The following CLDN10 variants were observed in gnomAD, a reference collection of about 807,000 sequenced individuals.
CLDN10 encodes the protein claudin 10, also known as claudin-10.
Under a neutral mutation model 22.9 loss-of-function variants are expected in CLDN10, and 15 were observed. That is an observed-to-expected ratio of 0.65 (90% confidence interval 0.44 to 1.01). CLDN10 has a LOEUF of 1.01. CLDN10 is among the 50% of genes least tolerant of loss of function. CLDN10 has a pLI of 0.00. For missense variants in CLDN10, 247 were observed against 287.8 expected, an observed-to-expected ratio of 0.86 and a Z score of 1.03; for synonymous variants, 114 against 111.4, an observed-to-expected ratio of 1.02 and a Z score of -0.15.
chr13:95,570,515 G>T (rs2043840138), intron 3 of CLDN10, among the ~76,000 whole-genome samples: 1 of 152,272 alleles, frequency 6.6e-6, no homozygotes, highest in South Asian at 2.1e-4. Context: ...TCAAGAATTA[G>T]TACTTCTGTG....
At chr13:95,507,266 A>G (rs1210617123) in intron 1 of CLDN10, among the ~76,000 whole-genome samples, 1 of 152,134 alleles carries the variant, frequency 6.6e-6, no homozygotes, top group Non-Finnish European at 1.5e-5. Context: ...GGTAAATTCT[A>G]CCAGCTTTAT....
rs534177477 is a variant in CLDN10, at chr13:95,520,505, C to A, written c.215-39627C>A. Among the ~76,000 whole-genome samples, 20 of 152,268 alleles carry A rather than the reference C, an allele frequency of 1.3e-4. No homozygotes were observed. In the East Asian group the frequency reaches 3.7e-3, roughly 28 times the overall value. ...CCTCCTGCCTCAGCCTCCCCAGTAGCTGGGATTACAGGTGCCGGCTTCCAT... is the reference window on the plus strand; with the variant it reads ...CCTCCTGCCTCAGCCTCCCCAGTAGATGGGATTACAGGTGCCGGCTTCCAT... On this transcript the variant is annotated intron_variant, in intron 1 of 4. Transcript: ENST00000376873.
chr13:95,538,582 A>G (rs12583339), intron 1 of CLDN10, among the ~76,000 whole-genome samples: 12,945 of 152,246 alleles, frequency 0.085, 687 homozygotes, highest in East Asian at 0.22. Context: ...TGCAGCTGCA[A>G]GGTCAATGTG....
intron 1 of CLDN10, among the ~76,000 whole-genome samples, chr13:95,494,228 A>G (rs2042904864): frequency 6.6e-6 from 1 of 152,186 alleles, no homozygotes; most frequent in Non-Finnish European, 1.5e-5. Flanking sequence ...CTCTCCCCAT[A>G]GTAGCTGTCT....
rs7981406 is a variant in CLDN10 at position 95,449,813 on chromosome 13, C to T, written c.214+15766C>T. On this transcript the variant is annotated intron_variant, in intron 1 of 4. Coordinates refer to the CLDN10 transcript ENST00000376873. ...GGCTGGAGTGCAGTGGCACAACCTC[C>T]GCTCACTGCAAGCTCCGCCTCCCGG... Among the ~76,000 whole-genome samples the T allele has an allele frequency of 7.3e-5, 11 of 150,260 alleles. 1 individual carries two copies. Among genetic ancestry groups the T allele is most frequent in the Admixed American group, 5.9e-4 (9 of 15,130 alleles).
At chr13:95,497,524 G>C (rs1440232427) in intron 1 of CLDN10, among the ~76,000 whole-genome samples, 1 of 152,168 alleles carries the variant, frequency 6.6e-6, no homozygotes. Flanking sequence ...GAGGGAGGCA[G>C]GCCTGCCCAT....
chr13:95,577,837 CTTCCCATTTTTGTTT>C, intron 4 of CLDN10, 48 bp from the exon 5 acceptor site: 2 of 1,005,504 alleles, frequency 2.0e-6, no homozygotes, highest in East Asian at 4.9e-5. Flanking sequence ...GAAACAGTTT[CTTCCCATTTTTGTTT>C]GCCCTATGTG....
At chr13:95,505,752 T>C (rs1412713325) in intron 1 of CLDN10, among the ~76,000 whole-genome samples, 1 of 121,990 alleles carries the variant, frequency 8.2e-6, no homozygotes, top group East Asian at 2.0e-4. Flanking sequence ...TCCCTTTCTT[T>C]TTTTTTTTTT....
At chr13:95,494,211 A>T (rs1306126975) in intron 1 of CLDN10, among the ~76,000 whole-genome samples, 1 of 152,192 alleles carries the variant, frequency 6.6e-6, no homozygotes, top group Non-Finnish European at 1.5e-5. Flanking sequence ...TTGTCCTGAC[A>T]ACCTTCCTCT....
rs191902314 is a variant in CLDN10, at chr13:95,457,237, T to C, written c.214+23190T>C. ...AGTCCATCCACATCTCTGGAGATTATTCCAGTTTTCAGCATTAATAAGTTA... is the reference window on the plus strand; with the variant it reads ...AGTCCATCCACATCTCTGGAGATTACTCCAGTTTTCAGCATTAATAAGTTA... On this transcript the variant is annotated intron_variant, in intron 1 of 4. Coordinates refer to the CLDN10 transcript ENST00000376873. Among the ~76,000 whole-genome samples, 8 of 152,314 alleles carry C rather than the reference T, an allele frequency of 5.3e-5. No homozygotes were observed. In the East Asian group the frequency reaches 1.3e-3, roughly 26 times the overall value.
At chr13:95,536,013 G>A (rs1397284727) in intron 1 of CLDN10, among the ~76,000 whole-genome samples, 2 of 152,152 alleles carry the variant, frequency 1.3e-5, no homozygotes, top group Non-Finnish European at 2.9e-5. Context: ...GAAAGGGAAA[G>A]GTAGGAAAGA....
chr13:95,516,702 G>A (rs2043170883), intron 1 of CLDN10, among the ~76,000 whole-genome samples: 1 of 152,200 alleles, frequency 6.6e-6, no homozygotes, highest in South Asian at 2.1e-4. Context: ...GGGCAGCAGT[G>A]AAACCTGTCA....
intron 1 of CLDN10, among the ~76,000 whole-genome samples, chr13:95,471,972 A>G (rs2042638527): frequency 7.8e-6 from 1 of 127,824 alleles, no homozygotes; most frequent in African/African-American, 3.1e-5. Context: ...TTTGGTAGAG[A>G]TAGAGTCTGC....
At chr13:95,434,183 A>G in intron 1 of CLDN10, 1 of 719,694 alleles carries the variant, frequency 1.4e-6, no homozygotes, top group Non-Finnish European at 2.4e-6. Context: ...TTTGCCTAGG[A>G]AGGATGGGGT....
At chr13:95,574,802 T>C (rs990901108) in intron 3 of CLDN10, among the ~76,000 whole-genome samples, 6 of 152,126 alleles carry the variant, frequency 3.9e-5, no homozygotes, top group African/African-American at 1.4e-4. Context: ...AAAGGATATA[T>C]TTAAAAAGAT....
chr13:95,445,670 T>C (rs948211549), intron 1 of CLDN10, among the ~76,000 whole-genome samples: 2 of 152,236 alleles, frequency 1.3e-5, no homozygotes, highest in African/African-American at 4.8e-5. Flanking sequence ...AAGATCTCAG[T>C]CAGTCAGTTT....
intron 1 of CLDN10, among the ~76,000 whole-genome samples, chr13:95,481,260 T>G (rs1007219881): frequency 6.6e-6 from 1 of 152,146 alleles, no homozygotes; most frequent in African/African-American, 2.4e-5. Flanking sequence ...AACTATAATG[T>G]TAAATCTGTG....
intron 1 of CLDN10, among the ~76,000 whole-genome samples, chr13:95,513,591 A>C (rs2043129095): frequency 7.0e-6 from 1 of 141,884 alleles, no homozygotes; most frequent in Admixed American, 6.8e-5. Flanking sequence ...TTCCCCTGAA[A>C]TAAAAAATTA....
chr13:95,486,811 C>A (rs2042809631), intron 1 of CLDN10, among the ~76,000 whole-genome samples: 1 of 152,210 alleles, frequency 6.6e-6, no homozygotes, highest in African/African-American at 2.4e-5. Flanking sequence ...ACGTTGTGAG[C>A]TCTTTGGGGA....
Sources: gnomAD v4.1 joint callset for allele counts (sites outside exome capture counted in the v4.1 genomes callset) on GRCh38, gnomAD v4.1.1 for gene constraint, MANE v1.5 for transcripts, NCBI Gene and HGNC (gene_info 2026-07-23, HGNC 2026-07-21) for gene names.